The following KMT2C variants were observed in gnomAD, a reference collection of about 807,000 sequenced individuals.
KMT2C encodes the protein histone-lysine N-methyltransferase 2C.
In KMT2C, 88 loss-of-function variants were observed where a neutral mutation model predicts 507.9. The ratio of observed to expected loss-of-function variants is 0.17; its 90% CI spans 0.15 to 0.21. The LOEUF is 0.21. KMT2C is among the 10% of genes least tolerant of loss of function. KMT2C has a pLI of 1.00. For synonymous variants in KMT2C, 2,049 were observed against 2,080.8 expected (o/e 0.98, Z 0.42); for missense variants, 4,954 against 5,957.8 (o/e 0.83, Z 5.55).
intron 6 of KMT2C, 123 bp downstream of exon 6, chr7:152,309,843 T>C (rs1379631910): frequency 4.5e-6 from 3 of 660,582 alleles, no homozygotes; most frequent in Admixed American, 5.9e-5. Flanking sequence ...TAATAAAAAT[T>C]AATAATTTCC....
chr7:152,310,117 A>C, intron 5 of KMT2C, 42 bp from the exon 6 acceptor site: 2 of 1,293,402 alleles, frequency 1.5e-6, no homozygotes, highest in Non-Finnish European at 2.2e-6. Flanking sequence ...AGCAAACATT[A>C]AAAAAATTAA....
In KMT2C at chr7:152,335,256, A is replaced by G. The variant is rs548713989; in HGVS notation, c.251-4517T>C. 7.9e-5 allele frequency among the ~76,000 whole-genome samples: 12 copies of G among 152,336 alleles called. No homozygotes were observed. The East Asian group carries it at 2.3e-3, about 29-fold the overall frequency. ...CTCTCTGCCTGCCTATTATATTCAA[A>G]GTACTATAAAATTATCACATATATA... On this transcript the variant is annotated intron_variant, in intron 2 of 58. Transcript: ENST00000262189.
chr7:152,297,510 T>C (rs757917009), intron 6 of KMT2C, among the ~76,000 whole-genome samples: 3 of 152,116 alleles, frequency 2.0e-5, no homozygotes, highest in Non-Finnish European at 4.4e-5. Context: ...CTGATACTCA[T>C]ACAAAGCCAG....
intron 23 of KMT2C, among the ~76,000 whole-genome samples, chr7:152,216,441 A>C (rs1409104503): frequency 3.9e-5 from 6 of 152,216 alleles, no homozygotes; most frequent in Non-Finnish European, 8.8e-5. Flanking sequence ...GATTCTGTAG[A>C]TGTGTGTAAT....
chr7:152,290,258 G>GTGTGTGTATATATA (rs1337492088), intron 6 of KMT2C, among the ~76,000 whole-genome samples: 2 of 26,242 alleles, frequency 7.6e-5, no homozygotes, highest in African/African-American at 2.8e-4. Flanking sequence ...GTGTGTATGT[G>GTGTGTGTATATATA]TATATATATA....
rs777320861 is a variant in KMT2C at position 152,248,509 on chromosome 7, T to C, written c.1925A>G (p.Gln642Arg). ...TGTCACTTCCATTTTATCTTCAATT[T>C]GATCTTCGCCACAAATATGCTTCAC... ...SEVKHICGED[Q>R]IEDKMEVTEN... Residue 642 changes from glutamine to arginine, a missense_variant, in exon 14 of 59, where the codon CAA (glutamine) becomes CGA (arginine). Physicochemically the swap from Gln to Arg is conservative, Grantham distance 43. This residue lies in a region of KMT2C where 376 missense variants were observed against 352.4 expected (regional missense o/e 1.07). Transcript: ENST00000262189. 6 of 1,613,924 alleles carry C rather than the reference T, an allele frequency of 3.7e-6. No homozygotes were observed. Among genetic ancestry groups the C allele is most frequent in the Non-Finnish European group, 5.1e-6 (6 of 1,179,948 alleles).
At chr7:152,415,013 T>G (rs1344396432) in intron 1 of KMT2C, among the ~76,000 whole-genome samples, 2 of 151,650 alleles carry the variant, frequency 1.3e-5, no homozygotes, top group Non-Finnish European at 2.9e-5. Flanking sequence ...ATGCAGCTAA[T>G]TTTTTATTTT....
intron 1 of KMT2C, among the ~76,000 whole-genome samples, chr7:152,428,050 T>C (rs1309681598): frequency 1.3e-5 from 2 of 152,186 alleles, no homozygotes; most frequent in Non-Finnish European, 2.9e-5. Flanking sequence ...ATAGGCATCA[T>C]TAAATCACCA....
chr7:152,147,975 T>C (rs2091306329), intron 52 of KMT2C, 58 bp downstream of exon 52: 1 of 1,472,756 alleles, frequency 6.8e-7, no homozygotes, highest in Non-Finnish European at 9.0e-7. Flanking sequence ...CAAAATACAT[T>C]CATTAGCCTG....
intron 18 of KMT2C, among the ~76,000 whole-genome samples, chr7:152,224,945 T>C (rs1164244823): frequency 6.6e-6 from 1 of 152,174 alleles, no homozygotes; most frequent in East Asian, 1.9e-4. Flanking sequence ...TCCCTATTAT[T>C]GATACATAAT....
rs2129231551 is a variant in KMT2C, at chr7:152,358,679, CAG to C, written c.162-6_162-5del. Reference sequence around the variant, plus strand: ...AGTTTTCCCCCTACTTCGAGGTCTACAGAAAAAAAAAAAAATAATAAGTACAT... The same window carrying C: ...AGTTTTCCCCCTACTTCGAGGTCTACAAAAAAAAAAAAATAATAAGTACAT... On this transcript the variant is annotated splice_region_variant and splice_polypyrimidine_tract_variant and intron_variant, in intron 1 of 58. Coordinates refer to ENST00000262189, the MANE Select transcript of KMT2C (RefSeq NM_170606.3). 6.9e-7 allele frequency: 1 copy of C among 1,457,410 alleles called. No homozygotes were observed. The highest frequency in any genetic ancestry group is 9.3e-7 in the Non-Finnish European group (1 of 1,077,270). The allele number at this position is 1,457,410 out of a possible 1,614,324, so 90.3% of individuals were successfully genotyped here.
intron 4 of KMT2C, 22 bp from the exon 5 acceptor site, chr7:152,311,968 T>C: frequency 6.6e-7 from 1 of 1,526,004 alleles, no homozygotes; most frequent in Non-Finnish European, 8.9e-7. Context: ...ATAAAATAAC[T>C]GTGAAAGTGA....
chr7:152,229,555 C>T (rs895038037), intron 18 of KMT2C, among the ~76,000 whole-genome samples: 9 of 150,240 alleles, frequency 6.0e-5, no homozygotes, highest in African/African-American at 7.3e-5. Flanking sequence ...AGAGAGAATG[C>T]GGGAAAGAAC....
rs28490391 is a variant in KMT2C at position 152,406,379 on chromosome 7, C to A, written c.161+29247G>T. The stretch of plus-strand genomic sequence containing the variant: ...GAGAATCATCTGATTCTGGGAAGTC[C>A]AGGGTGCAATGAGCCATGATCACAC... On this transcript the variant is annotated intron_variant, in intron 1 of 58. Transcript: ENST00000262189. Among the ~76,000 whole-genome samples, 5 of 147,372 alleles carry A rather than the reference C, an allele frequency of 3.4e-5. No individual in the cohort carries two copies. In the East Asian group the frequency reaches 1.0e-3, roughly 29 times the overall value.
intron 9 of KMT2C, among the ~76,000 whole-genome samples, chr7:152,256,582 G>A (rs142325580): frequency 6.6e-6 from 1 of 151,950 alleles, no homozygotes; most frequent in East Asian, 1.9e-4. Flanking sequence ...AAAAAAACAA[G>A]AACAAATAAG....
intron 6 of KMT2C, among the ~76,000 whole-genome samples, chr7:152,292,332 A>G (rs1031409768): frequency 1.7e-4 from 26 of 151,244 alleles, no homozygotes; most frequent in East Asian, 7.7e-4. Flanking sequence ...TGTGGCGCGC[A>G]CACACACACA....
intron 6 of KMT2C, among the ~76,000 whole-genome samples, chr7:152,307,499 T>C (rs1412002811): frequency 3.3e-5 from 5 of 152,028 alleles, no homozygotes; most frequent in Admixed American, 2.0e-4. Flanking sequence ...AGGTAAAGAT[T>C]TGACAGAGTT....
chr7:152,220,761 C>T (rs761681677), intron 22 of KMT2C, 26 bp from the exon 23 acceptor site: 19 of 1,525,124 alleles, frequency 1.2e-5, no homozygotes, highest in Middle Eastern at 2.3e-4. Context: ...CCCAAGGATA[C>T]AAATTTAAAC....
At position 152,148,387 on chromosome 7, in the gene KMT2C, G is replaced by C. The variant is rs2129095178; in HGVS notation, c.13540C>G (p.Gln4514Glu). 6.2e-7 allele frequency: 1 copy of C among 1,614,224 alleles called. No homozygotes were observed. Among genetic ancestry groups the C allele is most frequent in the Non-Finnish European group, 8.5e-7 (1 of 1,180,050 alleles). The change falls in exon 52 of 59, where the codon CAA becomes GAA. Residue 4514 changes from glutamine (Q) to glutamate (E), a missense_variant. Physicochemically the swap from Gln to Glu is conservative, Grantham distance 29. This residue lies in a region of KMT2C where 221 missense variants were observed against 304.7 expected (regional missense o/e 0.73). Coordinates refer to ENST00000262189, the MANE Select transcript of KMT2C (RefSeq NM_170606.3). This position sits in a 1 kb window ranked among gnomAD's most constrained non-coding sequence, Gnocchi z 7.1. ...PMHKPKGIHE[Q>E]ELSYFAVFRR... ...AAGACTGCAAAGTAACTTAATTCTTGCTCATGAATTCCCTTTGGTTTGTGC... is the reference window on the plus strand; with the variant it reads ...AAGACTGCAAAGTAACTTAATTCTTCCTCATGAATTCCCTTTGGTTTGTGC...
Sources: allele counts gnomAD v4.1 joint callset (sites outside exome capture counted in the v4.1 genomes callset), GRCh38; gene constraint gnomAD v4.1.1; regional missense constraint gnomAD v4.1.1; non-coding constraint Gnocchi (gnomAD v3.1); transcripts MANE v1.5; gene names NCBI Gene and HGNC (gene_info 2026-07-23, HGNC 2026-07-21).